The following OPRM1 variants were observed in gnomAD, a reference collection of about 807,000 sequenced individuals.
OPRM1 encodes the protein mu-type opioid receptor.
Under a neutral mutation model 31.8 loss-of-function variants are expected in OPRM1, and 27 were observed. The observed-to-expected ratio is 0.85, with a 90% confidence interval of 0.63 to 1.17. The LOEUF is 1.17. OPRM1 is among the 50% of genes most tolerant of loss of function. OPRM1 has a pLI of 0.00. For synonymous variants in OPRM1, 196 were observed against 189.9 expected, an observed-to-expected ratio of 1.03 and a Z score of -0.26; for missense variants, 536 against 511.1, an observed-to-expected ratio of 1.05 and a Z score of -0.47.
chr6:154,027,954 A>G (rs1057327221), intron 1 of OPRM1, among the ~76,000 whole-genome samples: 1 of 152,284 alleles, frequency 6.6e-6, no homozygotes, highest in African/African-American at 2.4e-5. Context: ...GAACCTACTA[A>G]GTACTCTACC....
Position 154,097,701 on chromosome 6 carries a change from G to A in OPRM1, c.1164+6229G>A, listed in dbSNP as rs1052924271. ...ATTTCATGCATAGCAGAAGAAATTA[G>A]TATGTGTTTCTATAAATTATTGTGA... On this transcript the variant is annotated intron_variant, in intron 3 of 3. Transcript: ENST00000330432. Among the ~76,000 whole-genome samples, 45 of 152,076 alleles carry A rather than the reference G, an allele frequency of 3.0e-4. 1 individual carries two copies. The highest frequency in any genetic ancestry group is 8.9e-4 in the African/African-American group (37 of 41,408).
chr6:154,081,547 G>C (rs1224572918), intron 1 of OPRM1, among the ~76,000 whole-genome samples: 5 of 150,142 alleles, frequency 3.3e-5, no homozygotes, highest in Admixed American at 1.3e-4. Flanking sequence ...GAAAGCAAAG[G>C]ATATGGAAAA....
Position 154,199,828 on chromosome 6 carries a change from G to A in OPRM1, c.1165-46865G>A, listed in dbSNP as rs777570232. On this transcript the variant is annotated intron_variant, in intron 3 of 3. Coordinates refer to the OPRM1 transcript ENST00000337049. ...GGGCCTTGTGGATGCCTGCCTCTGA[G>A]GGTACAGGTGAATGAACTTGCACAG... 3 of 1,614,186 alleles carry A rather than the reference G, an allele frequency of 1.9e-6. No individual in the cohort carries two copies. In the South Asian group the frequency reaches 3.3e-5, roughly 18 times the overall value.
chr6:154,088,336 A>C (rs904557280), intron 1 of OPRM1, among the ~76,000 whole-genome samples: 1 of 152,210 alleles, frequency 6.6e-6, no homozygotes, highest in Non-Finnish European at 1.5e-5. Flanking sequence ...ATATGAGGAC[A>C]GGGAGGGGCA....
chr6:154,234,874 T>C (rs1430232843), intron 3 of OPRM1, among the ~76,000 whole-genome samples: 1 of 152,216 alleles, frequency 6.6e-6, no homozygotes, highest in East Asian at 1.9e-4. Flanking sequence ...AAACCTCAAA[T>C]TTAAAAGAAT....
In OPRM1 at chr6:154,039,571, C is replaced by T. The variant is rs745863104; in HGVS notation, c.27C>T (p.Asn9=). 1.2e-5 allele frequency: 19 copies of T among 1,613,206 alleles called. No homozygotes were observed. The South Asian group carries it at 1.5e-4, about 13-fold the overall frequency. Residue 9 remains asparagine, a synonymous_variant, in exon 1 of 4, where the codon AAC becomes AAT. Coordinates refer to ENST00000330432, the MANE Select transcript of OPRM1 (RefSeq NM_000914.5). The stretch of plus-strand genomic sequence containing the variant: ...TGGACAGCAGCGCTGCCCCCACGAA[C>T]GCCAGCAATTGCACTGATGCCTTGG... MDSSAAPT[N]ASNCTDALAY...
At chr6:154,149,597 C>CAT (rs796413665) in intron 3 of OPRM1, among the ~76,000 whole-genome samples, 1 of 148,376 alleles carries the variant, frequency 6.7e-6, no homozygotes, top group African/African-American at 2.5e-5. Context: ...CATTCTGGAT[C>CAT]GTGTGTGTGT....
At position 154,126,412 on chromosome 6, in the gene OPRM1, T is replaced by A. The variant is rs1040627387; in HGVS notation, c.*7691T>A. Among the ~76,000 whole-genome samples the A allele has an allele frequency of 6.6e-6, 1 of 152,182 alleles. No homozygotes were observed. The highest frequency in any genetic ancestry group is 2.1e-4 in the South Asian group (1 of 4,826). ...TCCAAGAGGACAAAGACAAAGAAAT[T>A]CTGGGAAGGAGAACAACAATTATAT... On this transcript the variant is annotated 3_prime_UTR_variant, in exon 4 of 4. Coordinates refer to ENST00000330432, the MANE Select transcript of OPRM1 (RefSeq NM_000914.5).
At chr6:154,054,041 A>T (rs1335931124) in intron 1 of OPRM1, among the ~76,000 whole-genome samples, 1 of 152,072 alleles carries the variant, frequency 6.6e-6, no homozygotes, top group African/African-American at 2.4e-5. Context: ...CGTCTAGTCC[A>T]GTGATTCTGA....
intron 3 of OPRM1, among the ~76,000 whole-genome samples, chr6:154,099,656 C>CAT (rs1281901006): frequency 3.8e-5 from 1 of 25,994 alleles, no homozygotes; most frequent in African/African-American, 1.8e-4. Context: ...TATATACACA[C>CAT]ATGTATATAC....
chr6:154,012,996 C>T (rs537867458), intron 1 of OPRM1, among the ~76,000 whole-genome samples: 14 of 152,104 alleles, frequency 9.2e-5, no homozygotes, highest in African/African-American at 1.9e-4. Flanking sequence ...ATTATATTGA[C>T]GAATAGGGTT....
chr6:154,165,373 T>C, intron 3 of OPRM1, among the ~76,000 whole-genome samples: 1 of 152,204 alleles, frequency 6.6e-6, no homozygotes, highest in Admixed American at 6.5e-5. Context: ...ATAATTATTA[T>C]ACCCTTCCAA....
At chr6:154,220,868 A>G (rs754634952) in intron 3 of OPRM1, among the ~76,000 whole-genome samples, 1 of 152,250 alleles carries the variant, frequency 6.6e-6, no homozygotes, top group Admixed American at 6.5e-5. Flanking sequence ...GTGAATCATC[A>G]CGATAATCAC....
In OPRM1 at chr6:154,168,385, AT is replaced by A. The variant is rs1799604950; in HGVS notation, c.1164+76914del. On this transcript the variant is annotated intron_variant, in intron 3 of 3. Transcript: ENST00000337049. The surrounding 1 kb of genome is among the most constrained non-coding windows in gnomAD (Gnocchi z 4.1). ...AAGTGGTTTTTTGGTTTGTGGCAGT[AT>A]AACTCCAATATTCACATGGGGTGTT... Among the ~76,000 whole-genome samples, 1 of 152,102 alleles carries A rather than the reference AT, an allele frequency of 6.6e-6. No individual in the cohort carries two copies. Among genetic ancestry groups the A allele is most frequent in the African/African-American group, 2.4e-5 (1 of 41,422 alleles).
At chr6:154,223,331 T>C in intron 3 of OPRM1, 1 of 1,015,374 alleles carries the variant, frequency 9.8e-7, no homozygotes, top group Non-Finnish European at 1.5e-6. Context: ...ATAGGGATGG[T>C]ATAAATGACA....
At chr6:154,153,979 TATACCTTTTACTA>T (rs1165056973) in intron 3 of OPRM1, among the ~76,000 whole-genome samples, 1 of 152,248 alleles carries the variant, frequency 6.6e-6, no homozygotes, top group African/African-American at 2.4e-5. Flanking sequence ...GCATGGTGCC[TATACCTTTTACTA>T]ATACCTTTGG....
At chr6:154,091,937 T>C (rs980767201) in intron 3 of OPRM1, 1 of 986,672 alleles carries the variant, frequency 1.0e-6, no homozygotes, top group South Asian at 4.7e-5. Context: ...ATGCAAGATA[T>C]TCACAGAAAA....
At chr6:154,240,656 C>A (rs1373913391) in intron 3 of OPRM1, among the ~76,000 whole-genome samples, 1 of 152,200 alleles carries the variant, frequency 6.6e-6, no homozygotes, top group Non-Finnish European at 1.5e-5. Context: ...TAGATCTTCA[C>A]TATAGAGATT....
At chr6:154,182,651 G>T (rs980819020) in intron 3 of OPRM1, among the ~76,000 whole-genome samples, 1 of 152,036 alleles carries the variant, frequency 6.6e-6, no homozygotes. Context: ...CTTAAAATAC[G>T]TTTATGAGGT....
Sources: gnomAD v4.1 joint callset for allele counts (sites outside exome capture counted in the v4.1 genomes callset) on GRCh38, gnomAD v4.1.1 for gene constraint, Gnocchi (gnomAD v3.1) non-coding constraint, MANE v1.5 for transcripts, NCBI Gene and HGNC (gene_info 2026-07-23, HGNC 2026-07-21) for gene names.